PCDHA1: variants seen among roughly 807,000 people sequenced by gnomAD.
PCDHA1 encodes protocadherin alpha 1.
PCDHA1 carries 42 observed loss-of-function variants against 61.3 expected under a neutral mutation model. The observed-to-expected ratio is 0.69, with a 90% CI of 0.54 to 0.89. The LOEUF (loss-of-function observed/expected upper bound fraction) is 0.89, where lower values mean the gene tolerates loss of function less well. Among genes scored for constraint, PCDHA1 ranks in the 40% least tolerant of loss-of-function variants. The pLI, the probability that PCDHA1 is intolerant of heterozygous loss-of-function variation, is 0.00. For synonymous variants in PCDHA1, 610 were observed against 553.8 expected, an observed-to-expected ratio of 1.10 and a Z score of -1.43; for missense variants, 1,256 against 1,235.3, an observed-to-expected ratio of 1.02 and a Z score of -0.25.
At chr5:140,924,060 A>G (rs2081653054) in intron 1 of PCDHA1, among the ~76,000 whole-genome samples, 1 of 152,250 alleles carries the variant, frequency 6.6e-6, no homozygotes, top group African/African-American at 2.4e-5. Context: ...ACATCTTTAC[A>G]GTTGTATTTC....
chr5:140,867,956 C>T (rs1581824842), intron 1 of PCDHA1: 1 of 151,940 alleles, frequency 6.6e-6, no homozygotes, highest in East Asian at 1.9e-4. Context: ...GCTCCCAAAC[C>T]CAAAATTCTT....
chr5:140,808,154 A>T, intron 1 of PCDHA1: 2 of 1,614,220 alleles, frequency 1.2e-6, no homozygotes, highest in South Asian at 2.2e-5. Flanking sequence ...TGTAGAGGGC[A>T]TTGATAAGGG....
intron 1 of PCDHA1, among the ~76,000 whole-genome samples, chr5:140,839,694 A>G (rs1199656797): frequency 6.6e-6 from 1 of 152,032 alleles, no homozygotes; most frequent in Non-Finnish European, 1.5e-5. Context: ...TTTTTTGGGT[A>G]AATAATGTGA....
chr5:140,969,264 C>T, intron 1 of PCDHA1: 1 of 1,614,208 alleles, frequency 6.2e-7, no homozygotes, highest in Non-Finnish European at 8.5e-7. Flanking sequence ...AGGAATCTCA[C>T]AGGCCAAAGT....
chr5:140,967,262 C>G (rs1554229356), intron 1 of PCDHA1: 1 of 1,613,522 alleles, frequency 6.2e-7, no homozygotes, highest in African/African-American at 1.3e-5. Flanking sequence ...GCCTGGAGCG[C>G]GCTTTCACAT....
intron 1 of PCDHA1, chr5:140,876,621 A>G: frequency 6.2e-7 from 1 of 1,614,120 alleles, no homozygotes; most frequent in Non-Finnish European, 8.5e-7. Context: ...GAGCCAATGG[A>G]CAGGTCATCT....
rs370989006 is a variant in PCDHA1 at position 141,009,739 on chromosome 5, C to T, written c.2655C>T (p.Pro885=). The change falls in exon 4 of 4, where the codon CCC becomes CCT. Residue 885 remains proline (P), a synonymous_variant. Transcript: ENST00000504120. ...AACAATCCGGTCCCGGTGAGTTGCC[C>T]GACAAATTCATTATCCCAGGATCTC... ...NPKQSGPGEL[P]DKFIIPGSPA... is the part of the protein sequence containing the mutation. 55 of 1,614,008 alleles carry T rather than the reference C, an allele frequency of 3.4e-5. No homozygotes were observed. Among genetic ancestry groups the T allele is most frequent in the African/African-American group, 2.4e-4 (18 of 74,972 alleles).
chr5:140,822,604 G>C (rs2150117733), intron 1 of PCDHA1: 5 of 1,608,224 alleles, frequency 3.1e-6, no homozygotes, highest in Middle Eastern at 1.7e-4. Context: ...TAAGGAAATA[G>C]TGTATTTCTT....
intron 1 of PCDHA1, among the ~76,000 whole-genome samples, chr5:140,949,544 T>C (rs981428881): frequency 5.3e-5 from 8 of 151,908 alleles, no homozygotes; most frequent in Non-Finnish European, 1.2e-4. Flanking sequence ...TATCGATTTG[T>C]TGCTGGTCAT....
At chr5:140,829,500 CG>C (rs1562307699) in intron 1 of PCDHA1, 1 of 1,613,600 alleles carries the variant, frequency 6.2e-7, no homozygotes, top group African/African-American at 1.3e-5. Context: ...AACAACCCGC[CG>C]GGCTGCCACA....
intron 1 of PCDHA1, among the ~76,000 whole-genome samples, chr5:140,905,589 G>T (rs1336272963): frequency 4.6e-5 from 7 of 152,084 alleles, no homozygotes; most frequent in African/African-American, 1.7e-4. Context: ...ATGATATTTT[G>T]CTGGGAATTG....
chr5:140,846,375 T>C (rs1343413352), intron 1 of PCDHA1, among the ~76,000 whole-genome samples: 4 of 125,488 alleles, frequency 3.2e-5, no homozygotes, highest in African/African-American at 1.0e-4. Context: ...CTTTCTTTCT[T>C]TTTTTTTTTT....
intron 1 of PCDHA1, among the ~76,000 whole-genome samples, chr5:140,950,049 CTATT>C (rs2094445672): frequency 1.3e-5 from 2 of 151,756 alleles, no homozygotes; most frequent in Non-Finnish European, 3.0e-5. Flanking sequence ...CCATATAAGA[CTATT>C]TAGCTCTTCC....
rs782489417 is a variant in PCDHA1, at chr5:140,927,802, A to C, written c.2395-51147A>C. 6.2e-6 allele frequency: 10 copies of C among 1,614,148 alleles called. No homozygotes were observed. The East Asian group carries it at 2.0e-4, about 32-fold the overall frequency. On this transcript the variant is annotated intron_variant, in intron 1 of 3. Transcript: ENST00000504120. ...AGCTGCTTCACTAGGTCCGCCTGAA[A>C]CGCTCTTGGAGGCATACATTGAGGC...
At chr5:140,848,787 C>T in intron 1 of PCDHA1, 2 of 1,592,990 alleles carry the variant, frequency 1.3e-6, no homozygotes, top group Non-Finnish European at 1.7e-6. Context: ...GCTGTGCGGG[C>T]GGAGCGCGGA....
intron 1 of PCDHA1, chr5:140,807,333 C>G (rs1286013089): frequency 6.2e-7 from 1 of 1,613,466 alleles, no homozygotes; most frequent in African/African-American, 1.3e-5. Flanking sequence ...GGCCGCATCG[C>G]GCAGGACCTG....
rs1002466846 is a variant in PCDHA1, at chr5:140,853,169, G to A, written c.2394+64485G>A. The A allele has an allele frequency of 8.3e-6, 8 of 959,586 alleles. No individual in the cohort carries two copies. The African/African-American group carries it at 8.9e-5, about 11-fold the overall frequency. The allele number at this position is 959,586 out of a possible 1,614,324, so 59.4% of individuals were successfully genotyped here. On this transcript the variant is annotated intron_variant, in intron 1 of 3. Coordinates refer to ENST00000504120, the MANE Select transcript of PCDHA1 (RefSeq NM_018900.4). Reference sequence around the variant, plus strand: ...GCTGGGATTACAGGCGTGAGCCACCGCGCCTGGCCTAAAATGTGTTCTTTA... The same window carrying A: ...GCTGGGATTACAGGCGTGAGCCACCACGCCTGGCCTAAAATGTGTTCTTTA...
At chr5:140,991,595 C>G (rs181014489) in intron 3 of PCDHA1, among the ~76,000 whole-genome samples, 1 of 152,328 alleles carries the variant, frequency 6.6e-6, no homozygotes, top group African/African-American at 2.4e-5. Flanking sequence ...TACCTGAGCC[C>G]TCACTGGCAG....
rs2150529065 is a variant in PCDHA1, at chr5:140,853,159, G to A, written c.2394+64475G>A. On this transcript the variant is annotated intron_variant, in intron 1 of 3. Coordinates refer to ENST00000504120, the MANE Select transcript of PCDHA1 (RefSeq NM_018900.4). ...CTCCCAAAATGCTGGGATTACAGGC[G>A]TGAGCCACCGCGCCTGGCCTAAAAT... is the stretch of plus-strand genomic sequence containing the variant. The A allele has an allele frequency of 3.8e-5, 35 of 925,908 alleles. 4 individuals are homozygous for A. In the African/African-American group the frequency reaches 3.9e-4, roughly 10 times the overall value. 57.4% of individuals were successfully genotyped at this position (925,908 alleles called of 1,614,324 possible).
Sources: allele counts gnomAD v4.1 joint callset (sites outside exome capture counted in the v4.1 genomes callset), GRCh38; gene constraint gnomAD v4.1.1; transcripts MANE v1.5; gene names NCBI Gene and HGNC (gene_info 2026-07-23, HGNC 2026-07-21).